SDK1: variants seen among roughly 807,000 people sequenced by gnomAD.
SDK1 encodes the protein protein sidekick-1.
SDK1 carries 157 observed loss-of-function variants against 245.5 expected under a neutral mutation model. That is an observed-to-expected ratio of 0.64 (90% CI 0.56 to 0.73). The LOEUF (loss-of-function observed/expected upper bound fraction) is 0.73. Ranked by LOEUF, SDK1 falls within the 30% of genes least tolerant of loss-of-function variation. The pLI is 0.00. For missense variants in SDK1, 3,583 were observed against 3,002.3 expected, an observed-to-expected ratio of 1.19 and a Z score of -4.52; for synonymous variants, 1,647 against 1,278.5, an observed-to-expected ratio of 1.29 and a Z score of -6.15.
chr7:3,792,752 C>G (rs546183013), intron 4 of SDK1, among the ~76,000 whole-genome samples: 4 of 151,964 alleles, frequency 2.6e-5, no homozygotes, highest in Non-Finnish European at 5.9e-5. Context: ...AACTACTACC[C>G]CCTCCCCCTC....
intron 14 of SDK1, among the ~76,000 whole-genome samples, chr7:3,994,408 G>A (rs59246023): frequency 0.067 from 10,211 of 152,112 alleles, 1,087 homozygotes; most frequent in African/African-American, 0.23. Flanking sequence ...TTGGGAGGCC[G>A]AGTCAGGAGG....
At chr7:3,596,848 G>A (rs554912742) in intron 1 of SDK1, among the ~76,000 whole-genome samples, 1 of 152,154 alleles carries the variant, frequency 6.6e-6, no homozygotes, top group Admixed American at 6.6e-5. Flanking sequence ...AACAGAAAAA[G>A]GAAAGCACCA....
intron 38 of SDK1, among the ~76,000 whole-genome samples, chr7:4,214,714 A>G (rs1367976270): frequency 6.6e-6 from 1 of 152,188 alleles, no homozygotes; most frequent in East Asian, 1.9e-4. Flanking sequence ...ACATCAGTCA[A>G]GCAGCGGATC....
chr7:3,399,269 T>C (rs1047011370), intron 1 of SDK1, among the ~76,000 whole-genome samples: 4 of 152,136 alleles, frequency 2.6e-5, no homozygotes, highest in South Asian at 4.1e-4. Context: ...CTTTCAGTTA[T>C]CATACCTTTC....
chr7:3,388,231 G>T (rs1781658041), intron 1 of SDK1, among the ~76,000 whole-genome samples: 1 of 151,674 alleles, frequency 6.6e-6, no homozygotes, highest in Admixed American at 6.6e-5. Flanking sequence ...AAATGCTGTG[G>T]ATGTGTATAT....
intron 1 of SDK1, among the ~76,000 whole-genome samples, chr7:3,418,145 G>GCAAAAAAAAACAAAAA (rs1292199670): frequency 8.4e-6 from 1 of 119,726 alleles, no homozygotes; most frequent in African/African-American, 3.9e-5. Flanking sequence ...TACTAAAAAT[G>GCAAAAAAAAACAAAAA]AAAAAAAAAA....
At chr7:4,011,213 G>T (rs1015576109) in intron 15 of SDK1, 100 bp downstream of exon 15, 11 of 1,427,468 alleles carry the variant, frequency 7.7e-6, no homozygotes, top group African/African-American at 4.2e-5. Context: ...ACAGCAACCC[G>T]CTGGCTTCCC....
chr7:3,582,288 GTCTCAGGTAGGTCTC>G (rs1562579754), intron 1 of SDK1, among the ~76,000 whole-genome samples: 83 of 146,322 alleles, frequency 5.7e-4, no homozygotes, highest in African/African-American at 1.8e-3. Context: ...AGGTAGGTCT[GTCTCAGGTAGGTCTC>G]CCTCAGGTAG....
chr7:4,264,824 C>T (rs1435751143), intron 44 of SDK1, among the ~76,000 whole-genome samples: 2 of 152,076 alleles, frequency 1.3e-5, no homozygotes, highest in Non-Finnish European at 2.9e-5. Context: ...GGGGAGGCTG[C>T]ATAGACCTCT....
intron 5 of SDK1, among the ~76,000 whole-genome samples, chr7:3,904,850 G>C (rs1037623718): frequency 5.9e-5 from 9 of 151,938 alleles, no homozygotes; most frequent in Non-Finnish European, 1.3e-4. Flanking sequence ...AAGATTAGCC[G>C]GGTGTGGTGG....
At chr7:3,379,854 G>T (rs552835881) in intron 1 of SDK1, among the ~76,000 whole-genome samples, 31 of 152,286 alleles carry the variant, frequency 2.0e-4, no homozygotes, top group African/African-American at 7.0e-4. Flanking sequence ...GCTCATTGGA[G>T]CATTTCAGAT....
intron 1 of SDK1, among the ~76,000 whole-genome samples, chr7:3,593,605 C>G (rs553228927): frequency 2.0e-4 from 30 of 152,352 alleles, no homozygotes; most frequent in African/African-American, 6.7e-4. Context: ...GATAGGCACC[C>G]ATGCTTACTG....
chr7:4,162,234 G>T (rs1247481418), intron 32 of SDK1, among the ~76,000 whole-genome samples: 2 of 152,046 alleles, frequency 1.3e-5, no homozygotes, highest in Admixed American at 1.3e-4. Context: ...CGCCCTACAA[G>T]GCAGTAAAAC....
chr7:3,878,860 A>G (rs1251842355), intron 5 of SDK1, among the ~76,000 whole-genome samples: 4 of 152,214 alleles, frequency 2.6e-5, no homozygotes, highest in Non-Finnish European at 5.9e-5. Flanking sequence ...GAAGTCTAAC[A>G]TGCATACACA....
chr7:3,665,116 C>T lies in SDK1; in HGVS notation c.713+23011C>T, dbSNP rs376037580. On this transcript the variant is annotated intron_variant, in intron 4 of 44. Transcript: ENST00000404826. Reference sequence around the variant, plus strand: ...CTCTCTGGCTGTTGTTTTTCTGAAGCCTATGAAACCTCGTAGATGGGCCCT... The same window carrying T: ...CTCTCTGGCTGTTGTTTTTCTGAAGTCTATGAAACCTCGTAGATGGGCCCT... Among the ~76,000 whole-genome samples, 11 of 152,222 alleles carry T rather than the reference C, an allele frequency of 7.2e-5. No individual in the cohort carries two copies. In the South Asian group the frequency reaches 1.5e-3, roughly 20 times the overall value.
chr7:3,545,193 C>A (rs1779179302), intron 1 of SDK1, among the ~76,000 whole-genome samples: 1 of 152,082 alleles, frequency 6.6e-6, no homozygotes, highest in Non-Finnish European at 1.5e-5. Flanking sequence ...GGGCTCATTT[C>A]CATACTGTGC....
intron 1 of SDK1, among the ~76,000 whole-genome samples, chr7:3,386,697 C>T (rs1474164427): frequency 6.6e-6 from 1 of 152,170 alleles, no homozygotes; most frequent in Non-Finnish European, 1.5e-5. Flanking sequence ...AGTTCAGCTT[C>T]TGTAGGTAGG....
intron 5 of SDK1, among the ~76,000 whole-genome samples, chr7:3,830,156 T>G (rs1224383117): frequency 2.6e-5 from 4 of 152,054 alleles, no homozygotes; most frequent in Non-Finnish European, 4.4e-5. Flanking sequence ...GCACAGTGAG[T>G]AAACTTCACC....
At chr7:3,744,354 T>C (rs1176032062) in intron 4 of SDK1, among the ~76,000 whole-genome samples, 2 of 152,196 alleles carry the variant, frequency 1.3e-5, no homozygotes, top group African/African-American at 4.8e-5. Context: ...GTTCATTGTT[T>C]GTAATGTCTA....
Sources: allele counts gnomAD v4.1 joint callset (sites outside exome capture counted in the v4.1 genomes callset), GRCh38; gene constraint gnomAD v4.1.1; transcripts MANE v1.5; gene names NCBI Gene and HGNC (gene_info 2026-07-23, HGNC 2026-07-21).